RARRES1: variants seen among roughly 807,000 people sequenced by gnomAD.
RARRES1 encodes the protein retinoic acid receptor responder protein 1.
In RARRES1, 34 loss-of-function variants were observed where a neutral mutation model predicts 30.6. The ratio of observed to expected loss-of-function variants is 1.11; its 90% CI spans 0.84 to 1.48. The LOEUF (loss-of-function observed/expected upper bound fraction) is 1.48, where lower values mean the gene tolerates loss of function less well. Ranked by LOEUF, RARRES1 falls within the 40% of genes most tolerant of loss-of-function variation. The pLI, the probability that RARRES1 is intolerant of heterozygous loss-of-function variation, is 0.00. For synonymous variants in RARRES1, 153 were observed against 155.5 expected (o/e 0.98, Z 0.12); for missense variants, 373 against 386.5 (o/e 0.97, Z 0.29).
chr3:158,705,172 G>T (rs773731108), intron 3 of RARRES1, among the ~76,000 whole-genome samples: 1 of 152,100 alleles, frequency 6.6e-6, no homozygotes, highest in African/African-American at 2.4e-5. Flanking sequence ...CTGTATACAC[G>T]CAAAGTAAGA....
chr3:158,714,863 G>A (rs949251425), intron 1 of RARRES1, among the ~76,000 whole-genome samples: 6 of 152,176 alleles, frequency 3.9e-5, no homozygotes, highest in Non-Finnish European at 7.3e-5. Flanking sequence ...GCATCTTAGC[G>A]TAGCAATTCA....
At chr3:158,722,162 A>C (rs1727538842) in intron 1 of RARRES1, among the ~76,000 whole-genome samples, 1 of 151,644 alleles carries the variant, frequency 6.6e-6, no homozygotes. Flanking sequence ...TTTTTAAAGA[A>C]AATTCCCTCC....
At chr3:158,728,516 C>CTTTTTTTTT (rs755791546) in intron 1 of RARRES1, among the ~76,000 whole-genome samples, 18 of 133,910 alleles carry the variant, frequency 1.3e-4, no homozygotes, top group Non-Finnish European at 1.6e-4. Flanking sequence ...CTTTTTCTTT[C>CTTTTTTTTT]TTTTTTTTTT....
chr3:158,716,835 C>T (rs775124901), intron 1 of RARRES1, among the ~76,000 whole-genome samples: 17 of 152,198 alleles, frequency 1.1e-4, no homozygotes, highest in African/African-American at 3.6e-4. Context: ...CCGCCTGCCT[C>T]GGCCTCCCAA....
At position 158,697,511 on chromosome 3, in the gene RARRES1, A is replaced by C; in HGVS notation, c.*167T>G. ...CGCTTCCAGAGTTAAAAGCTAAAGC[A>C]GACTGAGAAACAAAAAACCAACATC... On this transcript the variant is annotated 3_prime_UTR_variant, in exon 6 of 6. Coordinates refer to ENST00000237696, the MANE Select transcript of RARRES1 (RefSeq NM_206963.2). 1.4e-6 allele frequency: 1 copy of C among 712,522 alleles called. No homozygotes were observed. Among genetic ancestry groups the C allele is most frequent in the Non-Finnish European group, 2.2e-6 (1 of 445,648 alleles). The allele number at this position is 712,522 out of a possible 1,614,324, so 44.1% of individuals were successfully genotyped here.
chr3:158,721,337 G>T (rs1300508875), intron 1 of RARRES1, among the ~76,000 whole-genome samples: 1 of 134,502 alleles, frequency 7.4e-6, no homozygotes, highest in Non-Finnish European at 1.6e-5. Context: ...TCCCCTACAG[G>T]GCTTGCTAAG....
intron 1 of RARRES1, among the ~76,000 whole-genome samples, chr3:158,715,833 TTATCTCAAAGA>T (rs1314508792): frequency 6.6e-6 from 1 of 152,108 alleles, no homozygotes; most frequent in African/African-American, 2.4e-5. Flanking sequence ...CCATGACCTC[TTATCTCAAAGA>T]TTCCTGAAGT....
intron 1 of RARRES1, among the ~76,000 whole-genome samples, chr3:158,725,818 A>G (rs1227981507): frequency 6.6e-6 from 1 of 152,202 alleles, no homozygotes; most frequent in African/African-American, 2.4e-5. Context: ...CTGCGATCAG[A>G]GTCTGCAGAC....
chr3:158,712,669 G>A (rs182520240), intron 2 of RARRES1, among the ~76,000 whole-genome samples: 91 of 152,226 alleles, frequency 6.0e-4, no homozygotes, highest in African/African-American at 2.0e-3. Flanking sequence ...TTCCAGAGAA[G>A]AGAAAAAGAA....
chr3:158,732,249 C>T lies in RARRES1; in HGVS notation c.167G>A (p.Arg56His). ...GCGCGCCGCCTGCTGCAGGAGCCTG[C>T]GCGGGACCCCAGCATCCTGAGGCTG... ...PGQPQDAGVP[R>H]RLLQQAARAA... is the part of the protein sequence containing the mutation. The change falls in exon 1 of 6, where the codon CGC becomes CAC. Residue 56 changes from arginine (R) to histidine (H), a missense_variant. Transcript: ENST00000237696. 1.4e-6 allele frequency: 2 copies of T among 1,381,532 alleles called. No individual in the cohort carries two copies. The highest frequency in any genetic ancestry group is 1.9e-6 in the Non-Finnish European group (2 of 1,076,984). 85.6% of individuals were successfully genotyped at this position (1,381,532 alleles called of 1,614,324 possible). A position where few individuals can be genotyped will look rare whatever the true frequency, so the allele number is the denominator to read the frequency against.
At chr3:158,707,617 C>G (rs79983475) in intron 3 of RARRES1, among the ~76,000 whole-genome samples, 1,659 of 152,202 alleles carry the variant, frequency 0.011, 35 homozygotes, top group African/African-American at 0.038. Context: ...AAGCAGGAGG[C>G]AAGACCGTCT....
intron 1 of RARRES1, among the ~76,000 whole-genome samples, chr3:158,728,484 T>C (rs1404393029): frequency 6.6e-6 from 1 of 151,594 alleles, no homozygotes; most frequent in Non-Finnish European, 1.5e-5. Context: ...AAACCTGAGT[T>C]TGGAGGGATC....
At chr3:158,721,922 T>G (rs1385127735) in intron 1 of RARRES1, among the ~76,000 whole-genome samples, 2 of 151,844 alleles carry the variant, frequency 1.3e-5, no homozygotes. Context: ...AGAAACCCCA[T>G]CTCTACTAAA....
intron 2 of RARRES1, among the ~76,000 whole-genome samples, chr3:158,713,105 C>G (rs78626879): frequency 0.015 from 2,246 of 152,198 alleles, 61 homozygotes; most frequent in African/African-American, 0.051. Flanking sequence ...ACACTTTAAT[C>G]CTGGATGCTG....
Position 158,697,560 on chromosome 3 carries a change from G to A in RARRES1, c.*118C>T. The A allele has an allele frequency of 1.8e-6, 2 of 1,129,514 alleles. No individual in the cohort carries two copies. Among genetic ancestry groups the A allele is most frequent in the Non-Finnish European group, 2.5e-6 (2 of 802,276 alleles). The allele number at this position is 1,129,514 out of a possible 1,614,324, so 70.0% of individuals were successfully genotyped here. A position where few individuals can be genotyped will look rare whatever the true frequency, so the allele number is the denominator to read the frequency against. On this transcript the variant is annotated 3_prime_UTR_variant, in exon 6 of 6. Coordinates refer to ENST00000237696, the MANE Select transcript of RARRES1 (RefSeq NM_206963.2). ...TCTTTGCATTTCTGAGTTTTTACTT[G>A]TAATCATAGGTTTTCCCAAATTATT...
intron 4 of RARRES1, 110 bp from the exon 5 acceptor site, chr3:158,698,080 C>T (rs866859097): frequency 1.5e-5 from 11 of 721,082 alleles, no homozygotes; most frequent in South Asian, 1.1e-4. Context: ...ACTGCCTTTT[C>T]GATTTCAGCC....
chr3:158,709,655 T>C (rs1309552116), intron 3 of RARRES1, among the ~76,000 whole-genome samples: 1 of 152,208 alleles, frequency 6.6e-6, no homozygotes, highest in African/African-American at 2.4e-5. Context: ...GAGCCTCCAG[T>C]GTTGACATGG....
chr3:158,711,445 G>A (rs769741531), intron 2 of RARRES1, among the ~76,000 whole-genome samples: 4 of 151,962 alleles, frequency 2.6e-5, no homozygotes, highest in Non-Finnish European at 5.9e-5. Flanking sequence ...AATAAGCCAG[G>A]GCTTGACCTC....
At chr3:158,704,210 C>CTTTTTTTTTTTTTT (rs78169321) in intron 4 of RARRES1, among the ~76,000 whole-genome samples, 1 of 82,808 alleles carries the variant, frequency 1.2e-5, no homozygotes, top group Non-Finnish European at 2.3e-5. Context: ...TATTGCAATA[C>CTTTTTTTTTTTTTT]TTTTTTTTTT....
Sources: gnomAD v4.1 joint callset for allele counts (sites outside exome capture counted in the v4.1 genomes callset) on GRCh38, gnomAD v4.1.1 for gene constraint, MANE v1.5 for transcripts, NCBI Gene and HGNC (gene_info 2026-07-23, HGNC 2026-07-21) for gene names.